TCF4: variants seen among roughly 807,000 people sequenced by gnomAD.
TCF4 encodes the protein SL3-3 enhancer factor 2.
In TCF4, 3 loss-of-function variants were observed where a neutral mutation model predicts 82.1. The observed-to-expected ratio is 0.04, with a 90% CI of 0.02 to 0.09. The LOEUF is 0.09. Ranked by LOEUF, TCF4 falls within the 10% of genes least tolerant of loss-of-function variation. The pLI, the probability that TCF4 is intolerant of heterozygous loss-of-function variation, is 1.00. For missense variants in TCF4, 518 were observed against 852.7 expected (o/e 0.61, Z 4.89); for synonymous variants, 276 against 309.6 (o/e 0.89, Z 1.14).
At chr18:55,403,639 G>A (rs1202060488) in intron 5 of TCF4, 121 bp from the exon 6 acceptor site, 1 of 1,599,810 alleles carries the variant, frequency 6.3e-7, no homozygotes, top group Non-Finnish European at 8.5e-7. Flanking sequence ...GGCACTACTG[G>A]CAATGTATGC....
chr18:55,400,487 A>G (rs1184162619), intron 6 of TCF4, among the ~76,000 whole-genome samples: 1 of 152,156 alleles, frequency 6.6e-6, no homozygotes, highest in Non-Finnish European at 1.5e-5. Flanking sequence ...TCAAAAAGTC[A>G]CCATGTTTAT....
At chr18:55,399,919 C>CAA (rs1569371348) in intron 6 of TCF4, among the ~76,000 whole-genome samples, 4 of 145,382 alleles carry the variant, frequency 2.8e-5, no homozygotes, top group African/African-American at 1.0e-4. Flanking sequence ...CACACACACA[C>CAA]ACACACAATA....
intron 3 of TCF4, among the ~76,000 whole-genome samples, chr18:55,527,246 T>A (rs1337691267): frequency 6.6e-6 from 1 of 152,136 alleles, no homozygotes; most frequent in Non-Finnish European, 1.5e-5. Context: ...TCTACAAAAC[T>A]GCAACGGCAG....
chr18:55,257,462 G>C (rs1214285654), intron 13 of TCF4, 71 bp from the exon 14 acceptor site: 13 of 1,480,950 alleles, frequency 8.8e-6, no homozygotes, highest in Non-Finnish European at 1.2e-5. Flanking sequence ...ATTTTAAACA[G>C]TCCTTTTGGA....
At chr18:55,283,085 A>G (rs2062945628) in intron 8 of TCF4, among the ~76,000 whole-genome samples, 1 of 152,174 alleles carries the variant, frequency 6.6e-6, no homozygotes, top group Admixed American at 6.5e-5. Flanking sequence ...TGAATTTAGC[A>G]GACAATCATA....
chr18:55,244,781 C>G (rs1008376054), intron 15 of TCF4, among the ~76,000 whole-genome samples: 50 of 152,316 alleles, frequency 3.3e-4, no homozygotes, highest in Admixed American at 3.1e-3. Flanking sequence ...GGGCAGCTTA[C>G]AGAAACATTA....
intron 3 of TCF4, among the ~76,000 whole-genome samples, chr18:55,530,708 A>C (rs1383450699): frequency 6.6e-6 from 1 of 152,246 alleles, no homozygotes; most frequent in Admixed American, 6.5e-5. Flanking sequence ...AATGAAAAAG[A>C]TATCCACTTA....
At position 55,633,172 on chromosome 18, in the gene TCF4, G is replaced by A. The variant is rs901336669; in HGVS notation, c.196-1784C>T. ...GCTTAGCCAGATAGTTCTGGCTTAC[G>A]GTCTGTTCTGAGGTTTGAGCCAAGA... On this transcript the variant is annotated intron_variant, in intron 1 of 20. Transcript: ENST00000398339. The surrounding 1 kb of genome is among the most constrained non-coding windows in gnomAD (Gnocchi z 4.0). 1.3e-5 allele frequency among the ~76,000 whole-genome samples: 2 copies of A among 152,178 alleles called. No homozygotes were observed. Among genetic ancestry groups the A allele is most frequent in the Non-Finnish European group, 1.5e-5 (1 of 68,036 alleles).
intron 8 of TCF4, among the ~76,000 whole-genome samples, chr18:55,284,104 A>C (rs139869204): frequency 0.022 from 3,354 of 152,274 alleles, 62 homozygotes; most frequent in Non-Finnish European, 0.035. Flanking sequence ...GGCATCTGAT[A>C]ATGACCTTTT....
intron 9 of TCF4, 34 bp downstream of exon 9, chr18:55,279,517 A>T: frequency 6.2e-7 from 1 of 1,613,454 alleles, no homozygotes; most frequent in Non-Finnish European, 8.5e-7. Flanking sequence ...AATGCTATCC[A>T]GTGGCCTTTC....
rs528617833 is a variant in TCF4, at chr18:55,554,196, G to A, written c.145+31084C>T. 9.9e-5 allele frequency among the ~76,000 whole-genome samples: 15 copies of A among 151,976 alleles called. No homozygotes were observed. In the South Asian group the frequency reaches 3.1e-3, roughly 32 times the overall value. On this transcript the variant is annotated intron_variant, in intron 3 of 19. Transcript: ENST00000354452. ...AAACATTATATATTAGACTCTTATGGGTAATGCCATTCCATTCTGTGCTTA... is the reference window on the plus strand; with the variant it reads ...AAACATTATATATTAGACTCTTATGAGTAATGCCATTCCATTCTGTGCTTA...
intron 1 of TCF4, among the ~76,000 whole-genome samples, chr18:55,632,609 A>G (rs567304329): frequency 6.6e-6 from 1 of 152,330 alleles, no homozygotes; most frequent in South Asian, 2.1e-4. Context: ...CCTTCAAAGA[A>G]TGATGCTCTT....
At chr18:55,472,421 A>G (rs2096204188) in intron 3 of TCF4, among the ~76,000 whole-genome samples, 2 of 152,214 alleles carry the variant, frequency 1.3e-5, no homozygotes, top group Admixed American at 1.3e-4. Flanking sequence ...GCTTGAATAT[A>G]TAATGTGAAA....
At chr18:55,545,261 T>C (rs1276189871) in intron 3 of TCF4, among the ~76,000 whole-genome samples, 2 of 152,204 alleles carry the variant, frequency 1.3e-5, no homozygotes, top group African/African-American at 4.8e-5. Flanking sequence ...ATTCTGTGTG[T>C]ATGCATACAT....
At chr18:55,491,351 A>C (rs184655776) in intron 3 of TCF4, among the ~76,000 whole-genome samples, 11 of 152,288 alleles carry the variant, frequency 7.2e-5, no homozygotes, top group African/African-American at 2.4e-4. Flanking sequence ...TGCAAAGGAT[A>C]CACACACAGC....
chr18:55,429,786 A>AAAAAAAAAAG, intron 5 of TCF4, among the ~76,000 whole-genome samples: 1 of 150,980 alleles, frequency 6.6e-6, no homozygotes, highest in Non-Finnish European at 1.5e-5. Context: ...AAAAAAAAAA[A>AAAAAAAAAAG]AAACAATTTG....
intron 11 of TCF4, 42 bp from the exon 12 acceptor site, chr18:55,261,575 A>C: frequency 6.2e-7 from 1 of 1,608,474 alleles, no homozygotes; most frequent in East Asian, 2.2e-5. Flanking sequence ...AGGCAGTGAG[A>C]CGTCTAACAA....
intron 3 of TCF4, among the ~76,000 whole-genome samples, chr18:55,505,380 CAT>C (rs992889866): frequency 6.6e-6 from 1 of 152,036 alleles, no homozygotes; most frequent in Non-Finnish European, 1.5e-5. Flanking sequence ...TCATTAATAA[CAT>C]AATAATTATT....
intron 3 of TCF4, among the ~76,000 whole-genome samples, chr18:55,581,862 T>C (rs2097577813): frequency 6.6e-6 from 1 of 152,094 alleles, no homozygotes; most frequent in Non-Finnish European, 1.5e-5. Context: ...ACTCGTTCAT[T>C]TGACAATCTT....
Sources: gnomAD v4.1 joint callset for allele counts (sites outside exome capture counted in the v4.1 genomes callset) on GRCh38, gnomAD v4.1.1 for gene constraint, Gnocchi (gnomAD v3.1) non-coding constraint, MANE v1.5 for transcripts, NCBI Gene and HGNC (gene_info 2026-07-23, HGNC 2026-07-21) for gene names.